Variants in VEPH1 observed in about 807,000 individuals in gnomAD.
The protein encoded by VEPH1 is ventricular zone expressed PH domain containing 1.
Under a neutral mutation model 85.2 loss-of-function variants are expected in VEPH1, and 80 were observed. That is an observed-to-expected ratio of 0.94 (90% CI 0.78 to 1.13). VEPH1 has a LOEUF of 1.13. Among genes scored for constraint, VEPH1 ranks in the 50% most tolerant of loss-of-function variants. The pLI is 0.00. For synonymous variants in VEPH1, 297 were observed against 348.0 expected (o/e 0.85, Z 1.63); for missense variants, 955 against 980.5 (o/e 0.97, Z 0.35).
chr3:157,270,784 A>G (rs1169364003), intron 12 of VEPH1, among the ~76,000 whole-genome samples: 1 of 152,180 alleles, frequency 6.6e-6, no homozygotes, highest in Non-Finnish European at 1.5e-5. Flanking sequence ...AGGGAGCTTT[A>G]ATTTATCATC....
At chr3:157,281,570 C>T (rs1276332508) in intron 12 of VEPH1, among the ~76,000 whole-genome samples, 1 of 151,620 alleles carries the variant, frequency 6.6e-6, no homozygotes, top group East Asian at 1.9e-4. Flanking sequence ...GATGGAGTCT[C>T]GCTTGCCACC....
chr3:157,376,067 C>T (rs1728065149), intron 7 of VEPH1, among the ~76,000 whole-genome samples: 4 of 152,114 alleles, frequency 2.6e-5, no homozygotes, highest in African/African-American at 7.2e-5. Context: ...GTGTCAGGAC[C>T]CTTTCTCCTT....
chr3:157,379,712 C>T (rs923311678), intron 7 of VEPH1, among the ~76,000 whole-genome samples: 1 of 152,168 alleles, frequency 6.6e-6, no homozygotes, highest in Admixed American at 6.5e-5. Flanking sequence ...TTCCAAAAAA[C>T]CCACAGAATT....
intron 7 of VEPH1, among the ~76,000 whole-genome samples, chr3:157,367,256 C>A (rs1577461329): frequency 6.6e-6 from 1 of 152,094 alleles, no homozygotes; most frequent in Non-Finnish European, 1.5e-5. Context: ...AAATGTTTTT[C>A]TTTCTGACAT....
intron 2 of VEPH1, among the ~76,000 whole-genome samples, chr3:157,490,843 CAAT>C (rs1270462026): frequency 6.6e-6 from 1 of 152,104 alleles, no homozygotes; most frequent in Admixed American, 6.6e-5. Flanking sequence ...CCAATTACAA[CAAT>C]GTTTACTGTA....
intron 11 of VEPH1, among the ~76,000 whole-genome samples, chr3:157,311,088 T>A (rs1720057767): frequency 2.0e-5 from 3 of 152,240 alleles, no homozygotes. Context: ...GCCTAGTGTG[T>A]GCCAAGCACC....
chr3:157,386,291 A>G (rs1427538878), intron 6 of VEPH1, among the ~76,000 whole-genome samples: 3 of 142,432 alleles, frequency 2.1e-5, no homozygotes, highest in Non-Finnish European at 3.0e-5. Context: ...AGTTTGGCAC[A>G]TAGGCAAATA....
At chr3:157,276,571 G>A (rs1159430220) in intron 12 of VEPH1, among the ~76,000 whole-genome samples, 3 of 152,202 alleles carry the variant, frequency 2.0e-5, no homozygotes, top group African/African-American at 7.2e-5. Context: ...AAAACCAATT[G>A]TAGGGAGAAA....
rs752894800 is a variant in VEPH1, at chr3:157,363,565, T to C, written c.1534A>G (p.Asn512Asp). 1.3e-5 allele frequency: 21 copies of C among 1,614,192 alleles called. No individual in the cohort carries two copies. The African/African-American group carries it at 1.9e-4, about 14-fold the overall frequency. ...QLGESSVSYP[N>D]IIHIDSENLS... Reference sequence around the variant, plus strand: ...TTCTCTGAGTCTATATGTATAATATTTGGGTATGAAACTGAAGACTCCCCC... The same window carrying C: ...TTCTCTGAGTCTATATGTATAATATCTGGGTATGAAACTGAAGACTCCCCC... Residue 512 changes from asparagine (N) to aspartate (D), a missense_variant, in exon 9 of 14, where the codon AAT becomes GAT. Physicochemically the swap from Asn to Asp is conservative, Grantham distance 23. Transcript: ENST00000362010.
chr3:157,399,336 A>G (rs1730650954), intron 6 of VEPH1, among the ~76,000 whole-genome samples: 2 of 152,224 alleles, frequency 1.3e-5, no homozygotes, highest in Admixed American at 1.3e-4. Context: ...TCACCAAGAA[A>G]GCCAATTTCT....
chr3:157,467,719 C>T (rs1210148833), intron 3 of VEPH1, among the ~76,000 whole-genome samples: 1 of 152,188 alleles, frequency 6.6e-6, no homozygotes, highest in East Asian at 1.9e-4. Context: ...ACAATGGACA[C>T]CCCATCCCTA....
intron 11 of VEPH1, among the ~76,000 whole-genome samples, chr3:157,312,368 T>C (rs1720201260): frequency 6.6e-6 from 1 of 152,202 alleles, no homozygotes; most frequent in South Asian, 2.1e-4. Flanking sequence ...AATGTACATA[T>C]TTCCCTTGAG....
At chr3:157,384,031 C>T (rs575213606) in intron 6 of VEPH1, among the ~76,000 whole-genome samples, 4 of 152,148 alleles carry the variant, frequency 2.6e-5, no homozygotes, top group African/African-American at 9.7e-5. Flanking sequence ...ATATGCCAGA[C>T]CCCCTTCTAG....
chr3:157,494,747 G>A (rs1046721058), intron 2 of VEPH1, among the ~76,000 whole-genome samples: 2 of 152,066 alleles, frequency 1.3e-5, no homozygotes, highest in Non-Finnish European at 2.9e-5. Context: ...GCAGCAAAGC[G>A]ATCGTTGTCC....
chr3:157,286,405 G>T, intron 12 of VEPH1, 152 bp downstream of exon 12: 2 of 679,288 alleles, frequency 2.9e-6, no homozygotes, highest in Non-Finnish European at 5.2e-6. Context: ...TTGGTGAGAC[G>T]CCTTTCTCAG....
At chr3:157,333,965 A>C (rs1559967547) in intron 9 of VEPH1, among the ~76,000 whole-genome samples, 1 of 152,174 alleles carries the variant, frequency 6.6e-6, no homozygotes, top group South Asian at 2.1e-4. Context: ...GCTGGCCACC[A>C]TCAGGCATCA....
At chr3:157,281,300 T>G (rs1157548654) in intron 12 of VEPH1, among the ~76,000 whole-genome samples, 2 of 152,200 alleles carry the variant, frequency 1.3e-5, no homozygotes, top group Non-Finnish European at 2.9e-5. Context: ...GTTTTTATTT[T>G]GTCTTTAAGT....
At chr3:157,385,984 A>G (rs1729246021) in intron 6 of VEPH1, among the ~76,000 whole-genome samples, 1 of 152,144 alleles carries the variant, frequency 6.6e-6, no homozygotes, top group Non-Finnish European at 1.5e-5. Flanking sequence ...CATTGCATTC[A>G]CTATTTTCAC....
At chr3:157,331,218 A>C (rs534269037) in intron 9 of VEPH1, among the ~76,000 whole-genome samples, 1 of 152,310 alleles carries the variant, frequency 6.6e-6, no homozygotes, top group Admixed American at 6.5e-5. Context: ...CAGGAGGGAC[A>C]TTATTCCCAC....
Sources: allele counts gnomAD v4.1 joint callset (sites outside exome capture counted in the v4.1 genomes callset), GRCh38; gene constraint gnomAD v4.1.1; transcripts MANE v1.5; gene names NCBI Gene and HGNC (gene_info 2026-07-23, HGNC 2026-07-21).